PPARGC1A: variants seen among roughly 807,000 people sequenced by gnomAD.
The protein encoded by PPARGC1A is PPARG coactivator 1 alpha.
PPARGC1A carries 25 observed loss-of-function variants against 88.7 expected under a neutral mutation model. The observed-to-expected ratio is 0.28, with a 90% CI of 0.21 to 0.39. The LOEUF is 0.39. Ranked by LOEUF, PPARGC1A falls within the 10% of genes least tolerant of loss-of-function variation. The pLI is 1.00. For synonymous variants in PPARGC1A, 363 were observed against 355.6 expected (o/e 1.02, Z -0.24); for missense variants, 880 against 968.7 (o/e 0.91, Z 1.22).
the PPARGC1A span, among the ~76,000 whole-genome samples, chr4:24,298,537 A>C: frequency 6.6e-6 from 1 of 152,182 alleles, no homozygotes; most frequent in Non-Finnish European, 1.5e-5. Context: ...TCCATTGCCC[A>C]CATGATTTTG....
the PPARGC1A span, among the ~76,000 whole-genome samples, chr4:24,289,219 CAAAAAAAAAA>C: frequency 3.1e-4 from 26 of 82,752 alleles, no homozygotes; most frequent in East Asian, 7.7e-3. Context: ...GACTCCGTCT[CAAAAAAAAAA>C]AAAAAAAAAA....
intron 2 of PPARGC1A, among the ~76,000 whole-genome samples, chr4:23,841,199 T>C (rs573413869): frequency 2.6e-5 from 4 of 152,118 alleles, no homozygotes; most frequent in African/African-American, 4.8e-5. Context: ...GAGATAATCA[T>C]GCCAGACAAA....
At chr4:24,117,845 C>T in the PPARGC1A span, among the ~76,000 whole-genome samples, 2 of 151,792 alleles carry the variant, frequency 1.3e-5, no homozygotes, top group African/African-American at 4.9e-5. Flanking sequence ...GGAAGAGTAA[C>T]CTGAAAGTTC....
At chr4:24,167,170 C>T in the PPARGC1A span, among the ~76,000 whole-genome samples, 1 of 152,242 alleles carries the variant, frequency 6.6e-6, no homozygotes, top group Middle Eastern at 3.4e-3. Flanking sequence ...TCCAGTCCTT[C>T]TAGATGACTT....
At chr4:24,031,014 C>T in the PPARGC1A span, among the ~76,000 whole-genome samples, 26,974 of 151,984 alleles carry the variant, frequency 0.18, 2,687 homozygotes, top group Admixed American at 0.3. Context: ...TGAGGAGTCT[C>T]TGAGCTGGGT....
chr4:23,975,288 T>C, the PPARGC1A span, among the ~76,000 whole-genome samples: 1 of 152,174 alleles, frequency 6.6e-6, no homozygotes, highest in Non-Finnish European at 1.5e-5. Context: ...TTGCCTACAG[T>C]TTGTTGGGTG....
the PPARGC1A span, among the ~76,000 whole-genome samples, chr4:23,920,893 G>A: frequency 6.6e-6 from 1 of 152,170 alleles, no homozygotes; most frequent in African/African-American, 2.4e-5. Context: ...CGGGGAGCCT[G>A]TTCCAGCCAG....
the PPARGC1A span, among the ~76,000 whole-genome samples, chr4:23,947,668 A>G: frequency 6.6e-6 from 1 of 152,022 alleles, no homozygotes; most frequent in Non-Finnish European, 1.5e-5. Flanking sequence ...CACAGCCGTT[A>G]GATGTGGAGA....
chr4:24,193,067 T>C, the PPARGC1A span, among the ~76,000 whole-genome samples: 2 of 152,364 alleles, frequency 1.3e-5, no homozygotes, highest in East Asian at 3.9e-4. Flanking sequence ...GCAAATAGTT[T>C]AGCATATTTA....
chr4:24,061,526 A>ATAAG, the PPARGC1A span, among the ~76,000 whole-genome samples: 341 of 151,866 alleles, frequency 2.2e-3, 3 homozygotes, highest in African/African-American at 7.9e-3. Context: ...TCTCAATGCA[A>ATAAG]TATCTGTGGA....
At chr4:24,466,176 G>T in the PPARGC1A span, among the ~76,000 whole-genome samples, 1 of 152,138 alleles carries the variant, frequency 6.6e-6, no homozygotes, top group Non-Finnish European at 1.5e-5. Context: ...AAAAGCATCA[G>T]GTAGTTATGG....
chr4:24,018,563 T>A, the PPARGC1A span, among the ~76,000 whole-genome samples: 2 of 152,108 alleles, frequency 1.3e-5, no homozygotes, highest in African/African-American at 4.8e-5. Context: ...GGCACAAGTC[T>A]CCATTTTTCA....
At chr4:24,259,717 T>G in the PPARGC1A span, among the ~76,000 whole-genome samples, 4 of 152,182 alleles carry the variant, frequency 2.6e-5, no homozygotes, top group Non-Finnish European at 5.9e-5. Context: ...ACTCCACGAA[T>G]ATCGATTGAA....
At chr4:24,004,080 T>C in the PPARGC1A span, among the ~76,000 whole-genome samples, 1 of 152,306 alleles carries the variant, frequency 6.6e-6, no homozygotes, top group African/African-American at 2.4e-5. Context: ...AATAGATCTC[T>C]GAAACAGAGG....
At chr4:23,842,368 T>A (rs1727206734) in intron 2 of PPARGC1A, among the ~76,000 whole-genome samples, 1 of 152,118 alleles carries the variant, frequency 6.6e-6, no homozygotes, top group African/African-American at 2.4e-5. Context: ...CTATCCCTAC[T>A]CAAAGCCTAC....
the PPARGC1A span, among the ~76,000 whole-genome samples, chr4:23,977,873 C>T: frequency 2.6e-5 from 4 of 152,250 alleles, no homozygotes; most frequent in Admixed American, 6.5e-5. Flanking sequence ...TTTTTCAAGA[C>T]ATTTCTGTAT....
the PPARGC1A span, among the ~76,000 whole-genome samples, chr4:23,938,728 A>T: frequency 3.9e-5 from 6 of 152,334 alleles, no homozygotes; most frequent in East Asian, 1.2e-3. Flanking sequence ...TGGAGGTTTG[A>T]GCATGAAAAT....
At chr4:24,273,895 TA>T in the PPARGC1A span, among the ~76,000 whole-genome samples, 4 of 151,348 alleles carry the variant, frequency 2.6e-5, no homozygotes, top group Non-Finnish European at 5.9e-5. Context: ...CACGCCCAGC[TA>T]ATTTTTTTTT....
the PPARGC1A span, among the ~76,000 whole-genome samples, chr4:23,972,833 A>G: frequency 6.6e-6 from 1 of 152,170 alleles, no homozygotes; most frequent in Non-Finnish European, 1.5e-5. Context: ...ACATTATTCT[A>G]TTGGAAGATG....
Sources: allele counts gnomAD v4.1 joint callset (sites outside exome capture counted in the v4.1 genomes callset), GRCh38; gene constraint gnomAD v4.1.1; transcripts MANE v1.5; gene names NCBI Gene and HGNC (gene_info 2026-07-23, HGNC 2026-07-21).